The following ZNF469 variants were observed in gnomAD, a reference collection of about 807,000 sequenced individuals.
ZNF469 encodes the protein zinc finger protein 469.
In ZNF469, 1 loss-of-function variant was observed where a neutral mutation model predicts 1.0. The observed-to-expected ratio is 1.00, with a 90% CI of 0.35 to 4.73. The LOEUF (loss-of-function observed/expected upper bound fraction) is 4.73, where lower values mean the gene tolerates loss of function less well. Among genes scored for constraint, ZNF469 ranks in the 30% most tolerant of loss-of-function variants. ZNF469 has a pLI of 0.16. For synonymous variants in ZNF469, 2,703 were observed against 2,363.4 expected (o/e 1.14, Z -4.17); for missense variants, 6,100 against 5,356.3 (o/e 1.14, Z -4.33).
Position 88,439,548 on chromosome 16 carries a change from G to A in ZNF469, c.*216G>A, listed in dbSNP as rs146964491. ...TGCTGGAAGGCTGGGGGTGAAAGAC[G>A]GGGCCACTGCAGCCCTTTTGAGACC... On this transcript the variant is annotated 3_prime_UTR_variant, in exon 3 of 3. Coordinates refer to ENST00000565624, the MANE Select transcript of ZNF469 (RefSeq NM_001367624.2). The A allele has an allele frequency of 1.1e-4, 66 of 607,276 alleles. No individual in the cohort carries two copies. In the East Asian group the frequency reaches 1.3e-3, roughly 12 times the overall value. The allele number at this position is 607,276 out of a possible 1,614,324, so 37.6% of individuals were successfully genotyped here.
the ZNF469 span, among the ~76,000 whole-genome samples, chr16:88,317,101 G>A: frequency 1.4e-4 from 21 of 152,296 alleles, no homozygotes; most frequent in East Asian, 1.9e-3. Flanking sequence ...TGAGGAGAGC[G>A]CCACATGGGC....
the ZNF469 span, among the ~76,000 whole-genome samples, chr16:88,257,060 T>A: frequency 6.7e-6 from 1 of 150,032 alleles, no homozygotes; most frequent in African/African-American, 2.4e-5. Context: ...GTGATTCTCC[T>A]GCCTCAGCCT....
chr16:88,349,234 G>A, the ZNF469 span, among the ~76,000 whole-genome samples: 4 of 152,144 alleles, frequency 2.6e-5, no homozygotes, highest in African/African-American at 4.8e-5. Context: ...AGAGACAGAC[G>A]GAGGCTTCAC....
chr16:88,214,210 C>T, the ZNF469 span, among the ~76,000 whole-genome samples: 6 of 152,196 alleles, frequency 3.9e-5, no homozygotes, highest in Non-Finnish European at 8.8e-5. Context: ...GGATACCCCC[C>T]GAAGGATTCA....
chr16:88,435,849 C>G lies in ZNF469; in HGVS notation c.8379C>G (p.Asn2793Lys). The G allele has an allele frequency of 6.4e-7, 1 of 1,550,420 alleles. No homozygotes were observed. Among genetic ancestry groups the G allele is most frequent in the Non-Finnish European group, 8.7e-7 (1 of 1,146,958 alleles). The change falls in exon 3 of 3, where the codon AAC becomes AAG. Residue 2793 changes from asparagine to lysine, a missense_variant. By Grantham distance (94) the Asn-to-Lys change is moderately conservative. Coordinates refer to ENST00000565624, the MANE Select transcript of ZNF469 (RefSeq NM_001367624.2). ...CAGAGGAAGGTGTCTGGGAGGAGAA[C>G]ACGCCCCCCTTGGGCCCCCTGGGTT... ...SRSEEGVWEENTPPLGPLGFP... is the reference protein window; with the variant it reads ...SRSEEGVWEEKTPPLGPLGFP...
chr16:88,210,758 T>G, the ZNF469 span, among the ~76,000 whole-genome samples: 1 of 152,218 alleles, frequency 6.6e-6, no homozygotes, highest in Admixed American at 6.5e-5. Context: ...TATTTCCGGG[T>G]GTTCTTTTCC....
At position 88,431,115 on chromosome 16, in the gene ZNF469, C is replaced by G. The variant is rs914966546; in HGVS notation, c.3645C>G (p.Thr1215=). The G allele has an allele frequency of 1.9e-6, 3 of 1,550,186 alleles. No individual in the cohort carries two copies. Among genetic ancestry groups the G allele is most frequent in the African/African-American group, 2.7e-5 (2 of 73,024 alleles). The change falls in exon 3 of 3, where the codon ACC becomes ACG. Residue 1215 remains threonine (T), a synonymous_variant. Transcript: ENST00000565624. ...VPTNTETSEE[T]RPSLDFPQEA... is the part of the protein sequence containing the mutation. ...CCAACACCGAGACCTCAGAGGAAAC[C>G]CGCCCGTCGCTGGACTTTCCCCAGG...
At chr16:88,277,406 A>G in the ZNF469 span, among the ~76,000 whole-genome samples, 31 of 111,786 alleles carry the variant, frequency 2.8e-4, no homozygotes, top group Admixed American at 4.5e-4. Context: ...GGTCAGTACC[A>G]TGTAGATATC....
chr16:88,367,400 A>G, the ZNF469 span, among the ~76,000 whole-genome samples: 11 of 152,220 alleles, frequency 7.2e-5, no homozygotes, highest in African/African-American at 2.7e-4. Flanking sequence ...TGTGATTAGC[A>G]TGTGATGTGA....
At chr16:88,411,283 G>A (rs566305344) in intron 1 of ZNF469, among the ~76,000 whole-genome samples, 24 of 152,226 alleles carry the variant, frequency 1.6e-4, no homozygotes, top group African/African-American at 1.9e-4. Flanking sequence ...GAGTGGCTCC[G>A]TGGGGGTGGC....
chr16:88,136,165 T>C, the ZNF469 span, among the ~76,000 whole-genome samples: 1 of 152,190 alleles, frequency 6.6e-6, no homozygotes, highest in East Asian at 1.9e-4. Flanking sequence ...CCAGAGGTGC[T>C]GTGAAATTCA....
At chr16:88,397,327 G>A (rs1904714620) in intron 1 of ZNF469, among the ~76,000 whole-genome samples, 1 of 152,220 alleles carries the variant, frequency 6.6e-6, no homozygotes, top group African/African-American at 2.4e-5. Context: ...CCTGGGACCT[G>A]GGACAGGGTC....
At chr16:88,128,088 A>G in the ZNF469 span, among the ~76,000 whole-genome samples, 4 of 152,110 alleles carry the variant, frequency 2.6e-5, no homozygotes, top group Non-Finnish European at 5.9e-5. Flanking sequence ...ATTCTGTGGG[A>G]ATTACTCCCT....
At chr16:88,263,666 C>T in the ZNF469 span, among the ~76,000 whole-genome samples, 13 of 152,224 alleles carry the variant, frequency 8.5e-5, no homozygotes, top group Middle Eastern at 3.4e-3. Flanking sequence ...CTCCCTTTTC[C>T]GGGGGGTCCA....
At chr16:88,144,265 C>T in the ZNF469 span, among the ~76,000 whole-genome samples, 3 of 152,218 alleles carry the variant, frequency 2.0e-5, no homozygotes, top group African/African-American at 7.2e-5. Flanking sequence ...GTCCCTACTA[C>T]GTCTGTTTGT....
the ZNF469 span, among the ~76,000 whole-genome samples, chr16:88,224,737 G>T: frequency 3.3e-5 from 5 of 151,958 alleles, no homozygotes; most frequent in East Asian, 5.8e-4. Flanking sequence ...GTGTAAGTAC[G>T]TACATATGTA....
the ZNF469 span, among the ~76,000 whole-genome samples, chr16:88,112,342 T>G: frequency 6.6e-6 from 1 of 152,208 alleles, no homozygotes; most frequent in East Asian, 1.9e-4. Flanking sequence ...AATTTGTAGC[T>G]TTTTGAGGAA....
At chr16:88,172,701 A>C in the ZNF469 span, among the ~76,000 whole-genome samples, 1 of 152,268 alleles carries the variant, frequency 6.6e-6, no homozygotes, top group African/African-American at 2.4e-5. Flanking sequence ...ACAGCTATTA[A>C]AAATGTTTTC....
the ZNF469 span, among the ~76,000 whole-genome samples, chr16:88,263,692 C>T: frequency 6.6e-6 from 1 of 152,110 alleles, no homozygotes; most frequent in Admixed American, 6.5e-5. Context: ...GCCAGAGGAC[C>T]CGTAGCCCCT....
Sources: gnomAD v4.1 joint callset for allele counts (sites outside exome capture counted in the v4.1 genomes callset) on GRCh38, gnomAD v4.1.1 for gene constraint, MANE v1.5 for transcripts, NCBI Gene and HGNC (gene_info 2026-07-23, HGNC 2026-07-21) for gene names.